Variants in ATXN7L1 observed in about 807,000 individuals in gnomAD.
ATXN7L1 encodes ataxin 7 like 1.
Under a neutral mutation model 70.8 loss-of-function variants are expected in ATXN7L1, and 15 were observed. The observed-to-expected ratio is 0.21, with a 90% CI of 0.14 to 0.33. ATXN7L1 has a LOEUF of 0.33. Among genes scored for constraint, ATXN7L1 ranks in the 10% least tolerant of loss-of-function variants. ATXN7L1 has a pLI of 1.00. For missense variants in ATXN7L1, 975 were observed against 1,097.1 expected, an observed-to-expected ratio of 0.89 and a Z score of 1.57; for synonymous variants, 440 against 445.1, an observed-to-expected ratio of 0.99 and a Z score of 0.14.
At chr7:105,757,160 A>G (rs1293853426) in intron 3 of ATXN7L1, among the ~76,000 whole-genome samples, 1 of 152,164 alleles carries the variant, frequency 6.6e-6, no homozygotes, top group Non-Finnish European at 1.5e-5. Flanking sequence ...CTCGCTCTCT[A>G]TTCTTATTTC....
chr7:105,703,350 T>A (rs1184565853), intron 3 of ATXN7L1, among the ~76,000 whole-genome samples: 1 of 151,966 alleles, frequency 6.6e-6, no homozygotes, highest in Non-Finnish European at 1.5e-5. Context: ...ATTTTATTGT[T>A]TGTGGAAGTT....
chr7:105,623,782 G>A (rs1009770303), intron 8 of ATXN7L1, among the ~76,000 whole-genome samples: 5 of 152,168 alleles, frequency 3.3e-5, no homozygotes, highest in African/African-American at 4.8e-5. Flanking sequence ...TTTCTCACGC[G>A]TGCTCGCTTC....
At chr7:105,642,037 GC>G (rs879927189) in intron 5 of ATXN7L1, among the ~76,000 whole-genome samples, 10 of 152,190 alleles carry the variant, frequency 6.6e-5, no homozygotes, top group Non-Finnish European at 1.5e-4. Flanking sequence ...ATCAGGGAGT[GC>G]CCATGATGTA....
At chr7:105,656,376 A>T (rs1266055797) in intron 4 of ATXN7L1, among the ~76,000 whole-genome samples, 1 of 152,142 alleles carries the variant, frequency 6.6e-6, no homozygotes, top group Non-Finnish European at 1.5e-5. Flanking sequence ...ACACTGTGAG[A>T]TGGTGGCCAG....
chr7:105,716,869 G>A (rs1426408467), intron 3 of ATXN7L1, among the ~76,000 whole-genome samples: 1 of 150,378 alleles, frequency 6.6e-6, no homozygotes, highest in Non-Finnish European at 1.5e-5. Context: ...AACAAATCAA[G>A]AATCTGTCTC....
At chr7:105,828,031 T>G (rs1811113163) in intron 2 of ATXN7L1, among the ~76,000 whole-genome samples, 1 of 152,150 alleles carries the variant, frequency 6.6e-6, no homozygotes, top group Non-Finnish European at 1.5e-5. Context: ...TTCAGAGTGC[T>G]TGAAATGCAC....
At chr7:105,790,607 T>TATCTATC (rs1451307570) in intron 2 of ATXN7L1, among the ~76,000 whole-genome samples, 2 of 63,450 alleles carry the variant, frequency 3.2e-5, no homozygotes, top group African/African-American at 1.1e-4. Flanking sequence ...AGAAAAAAAT[T>TATCTATC]ATCTATCTAT....
intron 3 of ATXN7L1, among the ~76,000 whole-genome samples, chr7:105,675,308 G>A (rs1804464604): frequency 2.0e-5 from 3 of 152,140 alleles, no homozygotes; most frequent in Admixed American, 1.3e-4. Context: ...ATAGTATGTA[G>A]AGACTAATCA....
At chr7:105,866,093 G>A (rs1260729553) in intron 2 of ATXN7L1, among the ~76,000 whole-genome samples, 1 of 152,060 alleles carries the variant, frequency 6.6e-6, no homozygotes, top group Non-Finnish European at 1.5e-5. Context: ...GGTGTCCTGT[G>A]TCCCCACCCC....
intron 4 of ATXN7L1, among the ~76,000 whole-genome samples, chr7:105,654,293 G>A (rs1162418983): frequency 6.6e-6 from 1 of 152,266 alleles, no homozygotes; most frequent in African/African-American, 2.4e-5. Flanking sequence ...TGACAAAGGT[G>A]AAGTGTCCGC....
At chr7:105,844,479 T>G (rs539120029) in intron 2 of ATXN7L1, among the ~76,000 whole-genome samples, 1 of 152,272 alleles carries the variant, frequency 6.6e-6, no homozygotes, top group East Asian at 1.9e-4. Context: ...AGGGCAAAAC[T>G]ACACTATCAT....
chr7:105,662,997 T>TG (rs1801948759), intron 4 of ATXN7L1, among the ~76,000 whole-genome samples: 1 of 152,150 alleles, frequency 6.6e-6, no homozygotes, highest in Non-Finnish European at 1.5e-5. Flanking sequence ...GATGAGGAAA[T>TG]GGAAGCACAA....
rs144261887 is a variant in ATXN7L1 at position 105,734,113 on chromosome 7, C to G, written c.355+54491G>C. Among the ~76,000 whole-genome samples, 289 of 152,318 alleles carry G rather than the reference C, an allele frequency of 1.9e-3. 1 individual carries two copies. Among genetic ancestry groups the G allele is most frequent in the African/African-American group, 6.7e-3 (278 of 41,580 alleles). ...AGGGAACTTAATAATTTAGTTGTAG[C>G]TCTGTAAAAATCACTAAATTCTGAG... On this transcript the variant is annotated intron_variant, in intron 3 of 11. Transcript: ENST00000419735.
intron 2 of ATXN7L1, among the ~76,000 whole-genome samples, chr7:105,861,823 G>T (rs1180217210): frequency 6.6e-6 from 1 of 152,206 alleles, no homozygotes. Context: ...TTTTCAAAAA[G>T]CTGTAGGGTT....
chr7:105,762,925 A>T (rs1800737724), intron 3 of ATXN7L1, among the ~76,000 whole-genome samples: 1 of 152,150 alleles, frequency 6.6e-6, no homozygotes, highest in South Asian at 2.1e-4. Context: ...TAAGGTACTG[A>T]GCACCAGGAA....
intron 2 of ATXN7L1, among the ~76,000 whole-genome samples, chr7:105,799,598 C>T (rs562195256): frequency 1.8e-4 from 27 of 152,142 alleles, no homozygotes; most frequent in African/African-American, 5.5e-4. Flanking sequence ...AAAGCAATTG[C>T]GACATTTTTT....
chr7:105,865,307 G>T (rs1817238745), intron 2 of ATXN7L1, among the ~76,000 whole-genome samples: 2 of 152,026 alleles, frequency 1.3e-5, no homozygotes, highest in Admixed American at 1.3e-4. Context: ...AAATGGTCAA[G>T]ATTTAAATAA....
At chr7:105,700,061 C>T (rs1036397084) in intron 3 of ATXN7L1, among the ~76,000 whole-genome samples, 4 of 152,170 alleles carry the variant, frequency 2.6e-5, no homozygotes, top group African/African-American at 9.7e-5. Context: ...GCTCTGAGCT[C>T]CTGGCTGGGT....
intron 3 of ATXN7L1, among the ~76,000 whole-genome samples, chr7:105,729,185 C>G (rs1201851017): frequency 1.3e-5 from 2 of 151,960 alleles, no homozygotes; most frequent in Non-Finnish European, 2.9e-5. Context: ...ACAGGAGGTT[C>G]ACCTGAGGCC....
Sources: gnomAD v4.1 joint callset for allele counts (sites outside exome capture counted in the v4.1 genomes callset) on GRCh38, gnomAD v4.1.1 for gene constraint, MANE v1.5 for transcripts, NCBI Gene and HGNC (gene_info 2026-07-23, HGNC 2026-07-21) for gene names.